The following ZNF493 variants were observed in gnomAD, a reference collection of about 807,000 sequenced individuals.
ZNF493 encodes zinc finger protein 493.
Under a neutral mutation model 12.2 loss-of-function variants are expected in ZNF493, and 11 were observed. The ratio of observed to expected loss-of-function variants is 0.90; its 90% CI spans 0.57 to 1.50. The LOEUF is 1.50. ZNF493 is among the 40% of genes most tolerant of loss of function. The pLI is 0.00. For missense variants in ZNF493, 950 were observed against 906.6 expected (o/e 1.05, Z -0.61); for synonymous variants, 286 against 302.6 (o/e 0.95, Z 0.57).
chr19:21,424,919 T>TCA lies in ZNF493; in HGVS notation c.2263_2264dup (p.Leu756IlefsTer7). 1 of 1,612,314 alleles carries TCA rather than the reference T, an allele frequency of 6.2e-7. No individual in the cohort carries two copies. Among genetic ancestry groups the TCA allele is most frequent in the Non-Finnish European group, 8.5e-7 (1 of 1,179,156 alleles). On this transcript the variant is annotated frameshift_variant, in exon 4 of 4. Transcript: ENST00000392288. LOFTEE classifies it low-confidence loss of function (END_TRUNC). ...ATGTGGCAAAGCTTTTAGGCGGTCT[T>TCA]CACATCTTAGTAGACATAAGATAAT... is the stretch of plus-strand genomic sequence containing the variant.
At position 21,423,238 on chromosome 19, in the gene ZNF493, GC is replaced by G; in HGVS notation, c.580del (p.Leu194PhefsTer92). The G allele has an allele frequency of 6.2e-7, 1 of 1,613,774 alleles. No individual in the cohort carries two copies. The highest frequency in any genetic ancestry group is 8.5e-7 in the Non-Finnish European group (1 of 1,179,838). Reference sequence around the variant, plus strand: ...AAAAATGTGGCAAATCATTTTGCATGCTTTTACACCTATGTCAGCATAAAAG... The same window carrying G: ...AAAAATGTGGCAAATCATTTTGCATGTTTTACACCTATGTCAGCATAAAAG... ...CKKCGKSFCM[L>X]LHLCQHKRIH... is the part of the protein sequence containing the mutation. On this transcript the variant is annotated frameshift_variant, in exon 4 of 4. Transcript: ENST00000392288. LOFTEE classifies it low-confidence loss of function (END_TRUNC).
At chr19:21,408,744 G>A (rs1324755564) in intron 3 of ZNF493, 1 of 984,716 alleles carries the variant, frequency 1.0e-6, no homozygotes, top group African/African-American at 1.7e-5. Flanking sequence ...AATTCTGTCT[G>A]TATACTTTAT....
At chr19:21,414,267 G>C (rs1214771265) in intron 3 of ZNF493, 1 of 152,216 alleles carries the variant, frequency 6.6e-6, no homozygotes, top group African/African-American at 2.4e-5. Flanking sequence ...AATAGAGTTA[G>C]GTTCCAATCC....
chr19:21,398,625 T>A (rs900875900), intron 1 of ZNF493: 1 of 455,374 alleles, frequency 2.2e-6, no homozygotes, highest in Non-Finnish European at 4.5e-6. Context: ...ACCTGAGGTA[T>A]GGAGTGTATC....
In ZNF493 at chr19:21,425,023, C is replaced by A. The variant is rs139042507; in HGVS notation, c.*39C>A. ...GGCCTTTACTGCTCCTATTCCCTTA[C>A]TAAAGAATGTGGCAAAGCTTTTCAC... is the stretch of plus-strand genomic sequence containing the variant. On this transcript the variant is annotated 3_prime_UTR_variant, in exon 4 of 4. Transcript: ENST00000392288. The A allele has an allele frequency of 8.7e-4, 1,362 of 1,565,200 alleles. 1 individual carries two copies. The highest frequency in any genetic ancestry group is 1.1e-3 in the Admixed American group (57 of 51,632).
At chr19:21,420,134 C>T (rs1471982220) in intron 3 of ZNF493, among the ~76,000 whole-genome samples, 1 of 152,148 alleles carries the variant, frequency 6.6e-6, no homozygotes, top group Admixed American at 6.6e-5. Context: ...CTGTCTCCTT[C>T]ACCAACACAG....
chr19:21,399,868 C>T (rs1215632189), intron 1 of ZNF493, among the ~76,000 whole-genome samples: 1 of 152,030 alleles, frequency 6.6e-6, no homozygotes, highest in Non-Finnish European at 1.5e-5. Context: ...TGGTGAGTTA[C>T]GTAGATTCAT....
At chr19:21,404,077 C>G (rs1336963720) in intron 1 of ZNF493, among the ~76,000 whole-genome samples, 4 of 152,090 alleles carry the variant, frequency 2.6e-5, no homozygotes, top group Non-Finnish European at 5.9e-5. Flanking sequence ...CTATGCAGAA[C>G]AGGATTAATA....
Position 21,416,130 on chromosome 19 carries a change from C to T in ZNF493, c.254-6783C>T, listed in dbSNP as rs564114075. On this transcript the variant is annotated intron_variant, in intron 3 of 3. Coordinates refer to ENST00000392288, the MANE Select transcript of ZNF493 (RefSeq NM_001076678.3). Reference sequence around the variant, plus strand: ...TATCCAAATTGGCTTATCTGTTAACCATTTTAAAGGTATAGGTTCTGGAGG... The same window carrying T: ...TATCCAAATTGGCTTATCTGTTAACTATTTTAAAGGTATAGGTTCTGGAGG... Among the ~76,000 whole-genome samples the T allele has an allele frequency of 3.3e-5, 5 of 152,302 alleles. No individual in the cohort carries two copies. In the East Asian group the frequency reaches 7.7e-4, roughly 24 times the overall value.
intron 3 of ZNF493, chr19:21,407,603 TTATTTC>T (rs2030176725): frequency 1.0e-6 from 1 of 978,518 alleles, no homozygotes; most frequent in South Asian, 4.7e-5. Context: ...AAAAATTTTT[TTATTTC>T]TATTGTATCC....
At chr19:21,411,474 G>A (rs2030324609) in intron 3 of ZNF493, among the ~76,000 whole-genome samples, 1 of 152,052 alleles carries the variant, frequency 6.6e-6, no homozygotes. Context: ...AATCCCAACA[G>A]TTTGGGAGGC....
At chr19:21,414,742 G>A (rs568160511) in intron 3 of ZNF493, 1 of 152,182 alleles carries the variant, frequency 6.6e-6, no homozygotes, top group South Asian at 2.1e-4. Context: ...TGAAGTATAG[G>A]GCGTCTGGAA....
At chr19:21,407,309 G>A (rs2030164063) in intron 3 of ZNF493, among the ~76,000 whole-genome samples, 1 of 151,324 alleles carries the variant, frequency 6.6e-6, no homozygotes, top group South Asian at 2.1e-4. Flanking sequence ...TTTTTTTTGA[G>A]ATGGAGTCTC....
intron 2 of ZNF493, 35 bp downstream of exon 2, chr19:21,405,290 C>T: frequency 2.5e-6 from 4 of 1,581,184 alleles, no homozygotes; most frequent in Non-Finnish European, 3.4e-6. Context: ...CCCTTATATA[C>T]CCTAAAGTTT....
chr19:21,421,140 CT>C (rs577070473), intron 3 of ZNF493, among the ~76,000 whole-genome samples: 111 of 152,122 alleles, frequency 7.3e-4, no homozygotes, highest in African/African-American at 2.7e-3. Flanking sequence ...AATATCTTTG[CT>C]TGTATCCTAG....
At chr19:21,416,141 T>C (rs2030483326) in intron 3 of ZNF493, among the ~76,000 whole-genome samples, 1 of 152,228 alleles carries the variant, frequency 6.6e-6, no homozygotes, top group South Asian at 2.1e-4. Context: ...ATTTTAAAGG[T>C]ATAGGTTCTG....
chr19:21,423,328 A>C lies in ZNF493; in HGVS notation c.669A>C (p.Ser223=). The C allele has an allele frequency of 6.2e-7, 1 of 1,613,776 alleles. No individual in the cohort carries two copies. Among genetic ancestry groups the C allele is most frequent in the Non-Finnish European group, 8.5e-7 (1 of 1,179,842 alleles). Residue 223 remains serine (S), a synonymous_variant, in exon 4 of 4, where the codon TCA becomes TCC. Coordinates refer to ENST00000392288, the MANE Select transcript of ZNF493 (RefSeq NM_001076678.3). ...EECGKAFIWF[S]TLTRHRRVHT... ...GTGGCAAAGCCTTTATCTGGTTTTCAACCCTTACTAGACACAGGAGAGTTC... is the reference window on the plus strand; with the variant it reads ...GTGGCAAAGCCTTTATCTGGTTTTCCACCCTTACTAGACACAGGAGAGTTC...
In ZNF493 at chr19:21,424,702, A is replaced by T. The variant is rs770766525; in HGVS notation, c.2043A>T (p.Glu681Asp). 5.0e-6 allele frequency: 8 copies of T among 1,613,678 alleles called. No homozygotes were observed. The highest frequency in any genetic ancestry group is 6.8e-6 in the Non-Finnish European group (8 of 1,179,746). The change falls in exon 4 of 4, where the codon GAA becomes GAT. Residue 681 changes from glutamate (E) to aspartate (D), a missense_variant. Transcript: ENST00000392288. ...CTAAACATAAGATAATTCATACTGA[A>T]GAGAAACCCTACAAATGTGAAAAAT... ...TLTKHKIIHT[E>D]EKPYKCEKCG...
intron 3 of ZNF493, among the ~76,000 whole-genome samples, chr19:21,409,407 G>A (rs896136875): frequency 1.3e-5 from 2 of 151,834 alleles, no homozygotes; most frequent in African/African-American, 4.8e-5. Flanking sequence ...ATTAATTGTT[G>A]TAAAAACACA....
Sources: allele counts gnomAD v4.1 joint callset (sites outside exome capture counted in the v4.1 genomes callset), GRCh38; gene constraint gnomAD v4.1.1; transcripts MANE v1.5; gene names NCBI Gene and HGNC (gene_info 2026-07-23, HGNC 2026-07-21).